The following PTPRZ1 variants were observed in gnomAD, a reference collection of about 807,000 sequenced individuals.
PTPRZ1 encodes the protein receptor-type tyrosine-protein phosphatase zeta.
Under a neutral mutation model 214.1 loss-of-function variants are expected in PTPRZ1, and 82 were observed. The observed-to-expected ratio is 0.38, with a 90% CI of 0.32 to 0.46. PTPRZ1 has a LOEUF of 0.46. Ranked by LOEUF, PTPRZ1 falls within the 20% of genes least tolerant of loss-of-function variation. The probability of loss-of-function intolerance (pLI) is 1.00; values close to 1 mark genes in which losing one functional copy is unlikely to be tolerated. For synonymous variants in PTPRZ1, 945 were observed against 987.9 expected (o/e 0.96, Z 0.81); for missense variants, 2,603 against 2,748.7 (o/e 0.95, Z 1.19).
intron 8 of PTPRZ1, 102 bp downstream of exon 8, chr7:121,984,219 T>A: frequency 2.9e-6 from 3 of 1,027,102 alleles, no homozygotes; most frequent in Non-Finnish European, 2.7e-6. Flanking sequence ...GCTTTAGAAA[T>A]GTTTTAATTA....
intron 6 of PTPRZ1, among the ~76,000 whole-genome samples, chr7:121,983,152 TC>T (rs1446928093): frequency 6.6e-6 from 1 of 152,226 alleles, no homozygotes; most frequent in Non-Finnish European, 1.5e-5. Flanking sequence ...CTTAAGATTT[TC>T]GTTTCTTTTT....
chr7:122,031,485 G>A lies in PTPRZ1; in HGVS notation c.5092G>A (p.Ala1698Thr). 1.2e-6 allele frequency: 2 copies of A among 1,611,024 alleles called. No homozygotes were observed. Among genetic ancestry groups the A allele is most frequent in the Non-Finnish European group, 1.7e-6 (2 of 1,178,148 alleles). ...TTTTATTCACGTAGATGATGTCGGAGCAATTCCAATAAAGCACTTTCCAAA... is the reference window on the plus strand; with the variant it reads ...TTTTATTCACGTAGATGATGTCGGAACAATTCCAATAAAGCACTTTCCAAA... Reference protein sequence around the residue: ...PIFPISDDVGAIPIKHFPKHV... With the variant: ...PIFPISDDVGTIPIKHFPKHV... Residue 1698 changes from alanine (A) to threonine (T), a missense_variant, in exon 15 of 30, where the codon GCA (alanine) becomes ACA (threonine). Around this residue, in one of 6 missense-constraint regions of PTPRZ1, gnomAD observed 1,913 missense variants for 1,914.3 expected, o/e 1.00. Transcript: ENST00000393386.
intron 10 of PTPRZ1, among the ~76,000 whole-genome samples, chr7:122,004,343 A>C (rs1177196401): frequency 2.0e-5 from 3 of 152,030 alleles, no homozygotes; most frequent in Non-Finnish European, 4.4e-5. Flanking sequence ...AATCAGACTT[A>C]GGGGCAGGGG....
At chr7:121,944,058 T>C (rs980366881) in intron 2 of PTPRZ1, among the ~76,000 whole-genome samples, 6 of 152,216 alleles carry the variant, frequency 3.9e-5, no homozygotes, top group African/African-American at 1.4e-4. Flanking sequence ...GCTATCTGCA[T>C]CAATAGAGAT....
At chr7:121,878,899 A>G (rs966345184) in intron 1 of PTPRZ1, among the ~76,000 whole-genome samples, 4 of 151,786 alleles carry the variant, frequency 2.6e-5, no homozygotes, top group African/African-American at 9.7e-5. Flanking sequence ...AGAAAAAAAA[A>G]TAGTTGTTTG....
chr7:121,964,309 C>G (rs992136187), intron 2 of PTPRZ1, among the ~76,000 whole-genome samples: 6 of 152,068 alleles, frequency 3.9e-5, no homozygotes, highest in African/African-American at 1.4e-4. Flanking sequence ...GCTGGGGAGG[C>G]CTCGGGAAAC....
chr7:121,987,522 C>G (rs1248155118), intron 8 of PTPRZ1, among the ~76,000 whole-genome samples: 2 of 152,196 alleles, frequency 1.3e-5, no homozygotes, highest in Non-Finnish European at 2.9e-5. Context: ...TATATTCCCA[C>G]CAACAGTGTA....
chr7:121,926,079 C>T (rs186035291), intron 1 of PTPRZ1, among the ~76,000 whole-genome samples: 6 of 152,162 alleles, frequency 3.9e-5, no homozygotes, highest in African/African-American at 9.6e-5. Flanking sequence ...CCAAGGCGGG[C>T]GGATCACGAG....
intron 26 of PTPRZ1, among the ~76,000 whole-genome samples, chr7:122,054,589 T>TTA (rs1395308754): frequency 6.6e-6 from 1 of 152,098 alleles, no homozygotes; most frequent in Non-Finnish European, 1.5e-5. Context: ...ATTCAGTTCT[T>TTA]ATCTATAAAG....
intron 8 of PTPRZ1, among the ~76,000 whole-genome samples, chr7:121,995,968 T>A (rs1488250038): frequency 6.6e-6 from 1 of 152,196 alleles, no homozygotes; most frequent in Admixed American, 6.5e-5. Flanking sequence ...TTCTAGGCAA[T>A]ATAGAACTAC....
chr7:121,897,064 TAAC>T (rs1794807045), intron 1 of PTPRZ1, among the ~76,000 whole-genome samples: 1 of 152,174 alleles, frequency 6.6e-6, no homozygotes, highest in African/African-American at 2.4e-5. Context: ...TTATTAATAA[TAAC>T]CATTTCTCAA....
rs780618197 is a variant in PTPRZ1 at position 122,058,960 on chromosome 7, G to A, written c.6671+18G>A. 6.4e-7 allele frequency: 1 copy of A among 1,563,684 alleles called. No homozygotes were observed. The highest frequency in any genetic ancestry group is 2.2e-5 in the East Asian group (1 of 44,504). ...CATGATGAGTAAGTTCCATGTGTTA[G>A]ATGGTTTCACACCTGCACATTTTCT... On this transcript the variant is annotated intron_variant, in intron 28 of 29. Coordinates refer to ENST00000393386, the MANE Select transcript of PTPRZ1 (RefSeq NM_002851.3).
chr7:122,053,562 A>T (rs1792255090), intron 25 of PTPRZ1, among the ~76,000 whole-genome samples: 1 of 152,202 alleles, frequency 6.6e-6, no homozygotes, highest in Non-Finnish European at 1.5e-5. Context: ...TCACTACAAG[A>T]TGATAGGTAA....
intron 1 of PTPRZ1, among the ~76,000 whole-genome samples, chr7:121,919,307 A>G (rs1401743220): frequency 2.0e-5 from 3 of 152,072 alleles, no homozygotes; most frequent in Admixed American, 2.0e-4. Context: ...TTCTTTATAA[A>G]TTTATTAATT....
chr7:121,951,435 C>A (rs1487729829), intron 2 of PTPRZ1, among the ~76,000 whole-genome samples: 1 of 152,146 alleles, frequency 6.6e-6, no homozygotes, highest in Non-Finnish European at 1.5e-5. Flanking sequence ...GATGTGAACA[C>A]CTTTCAGAAG....
intron 13 of PTPRZ1, among the ~76,000 whole-genome samples, chr7:122,027,297 G>A (rs1799231940): frequency 6.6e-6 from 1 of 152,180 alleles, no homozygotes; most frequent in Non-Finnish European, 1.5e-5. Context: ...GTGGGTGAGG[G>A]AGAGAGTTGC....
At chr7:121,893,211 T>G (rs1057468085) in intron 1 of PTPRZ1, among the ~76,000 whole-genome samples, 1 of 152,176 alleles carries the variant, frequency 6.6e-6, no homozygotes, top group Non-Finnish European at 1.5e-5. Flanking sequence ...TCATTTTTAG[T>G]CACTGTATCA....
chr7:122,048,891 C>T lies in PTPRZ1; in HGVS notation c.6085-2537C>T, dbSNP rs112675987. On this transcript the variant is annotated intron_variant, in intron 23 of 29. Coordinates refer to ENST00000393386, the MANE Select transcript of PTPRZ1 (RefSeq NM_002851.3). ...CAGCTATTTTATTGGACAAATATAACTTTGATACCAAAACTGAACAAAGAC... is the reference window on the plus strand; with the variant it reads ...CAGCTATTTTATTGGACAAATATAATTTTGATACCAAAACTGAACAAAGAC... Among the ~76,000 whole-genome samples, 590 of 152,158 alleles carry T rather than the reference C, an allele frequency of 3.9e-3. 4 individuals carry two copies. Among genetic ancestry groups the T allele is most frequent in the African/African-American group, 0.014 (561 of 41,550 alleles).
At chr7:121,896,176 TTTA>T (rs1457780455) in intron 1 of PTPRZ1, among the ~76,000 whole-genome samples, 6 of 152,216 alleles carry the variant, frequency 3.9e-5, no homozygotes, top group Non-Finnish European at 8.8e-5. Context: ...GTTTTAAAAT[TTTA>T]TTGTGATAAA....
Sources: allele counts gnomAD v4.1 joint callset (sites outside exome capture counted in the v4.1 genomes callset), GRCh38; gene constraint gnomAD v4.1.1; regional missense constraint gnomAD v4.1.1; transcripts MANE v1.5; gene names NCBI Gene and HGNC (gene_info 2026-07-23, HGNC 2026-07-21).